GLS: variants seen among roughly 807,000 people sequenced by gnomAD.
The protein encoded by GLS is glutaminase kidney isoform, mitochondrial.
In GLS, 36 loss-of-function variants were observed where a neutral mutation model predicts 86.7. That is an observed-to-expected ratio of 0.42 (90% CI 0.32 to 0.55). The LOEUF is 0.55. GLS is among the 20% of genes least tolerant of loss of function. GLS has a pLI of 0.17. For missense variants in GLS, 528 were observed against 833.4 expected, an observed-to-expected ratio of 0.63 and a Z score of 4.51; for synonymous variants, 317 against 305.9, an observed-to-expected ratio of 1.04 and a Z score of -0.38.
At position 190,913,420 on chromosome 2, in the gene GLS, T is replaced by C. The variant is rs1434566586; in HGVS notation, c.1038+3099T>C. On this transcript the variant is annotated intron_variant, in intron 7 of 17. Transcript: ENST00000320717. This position sits in a 1 kb window ranked among gnomAD's most constrained non-coding sequence, Gnocchi z 6.1. ...TTATACTTAAAATGCACATAATTTT[T>C]AAAAATCATAAGGGTATTATACTTC... 1.1e-6 allele frequency: 1 copy of C among 938,186 alleles called. No individual in the cohort carries two copies. 58.1% of individuals were successfully genotyped at this position (938,186 alleles called of 1,614,324 possible).
chr2:190,881,544 G>A (rs1031830276), intron 1 of GLS, 74 bp downstream of exon 1: 238 of 1,373,834 alleles, frequency 1.7e-4, no homozygotes, highest in Non-Finnish European at 2.3e-4. Flanking sequence ...GGGCCCTGCG[G>A]TGGGGCGGGA....
rs1344213846 is a variant in GLS, at chr2:190,962,538, C to T, written c.1854-292C>T. ...GGAACCCTAGAGCAGTCTATTATAT[C>T]TGTCACCACAAGGACTTTCCTTAAA... On this transcript the variant is annotated intron_variant, in intron 17 of 17. Transcript: ENST00000320717. The surrounding 1 kb of genome is among the most constrained non-coding windows in gnomAD (Gnocchi z 4.2). Among the ~76,000 whole-genome samples the T allele has an allele frequency of 6.6e-6, 1 of 152,176 alleles. No individual in the cohort carries two copies. Among genetic ancestry groups the T allele is most frequent in the East Asian group, 1.9e-4 (1 of 5,202 alleles).
chr2:190,880,905 AG>A lies in GLS; in HGVS notation c.-179del. 1.3e-6 allele frequency: 1 copy of A among 793,822 alleles called. No individual in the cohort carries two copies. Among genetic ancestry groups the A allele is most frequent in the South Asian group, 1.5e-5 (1 of 68,288 alleles). 49.2% of individuals were successfully genotyped at this position (793,822 alleles called of 1,614,324 possible). On this transcript the variant is annotated 5_prime_UTR_variant, in exon 1 of 18. Coordinates refer to ENST00000320717, the MANE Select transcript of GLS (RefSeq NM_014905.5). The stretch of plus-strand genomic sequence containing the variant: ...CAGCAGCAGCAGCAGCAGCAGCAGC[AG>A]CAGCAGCAGCAGCACCCGCATCCGC...
At chr2:190,933,889 C>A in intron 14 of GLS, 1 of 912,566 alleles carries the variant, frequency 1.1e-6, no homozygotes, top group Non-Finnish European at 1.3e-6. Context: ...AAGTATGCTA[C>A]TAAAATACGT....
Position 190,897,482 on chromosome 2 carries a change from G to A in GLS, c.605+1757G>A, listed in dbSNP as rs772675488. Among the ~76,000 whole-genome samples, 1 of 152,152 alleles carries A rather than the reference G, an allele frequency of 6.6e-6. No individual in the cohort carries two copies. The highest frequency in any genetic ancestry group is 1.5e-5 in the Non-Finnish European group (1 of 68,012). ...ATCCAATTTTTAAAAATCTATGCTTGTAATACAGGCAGTTTCCAACTTGAC... is the reference window on the plus strand; with the variant it reads ...ATCCAATTTTTAAAAATCTATGCTTATAATACAGGCAGTTTCCAACTTGAC... On this transcript the variant is annotated intron_variant, in intron 3 of 17. Transcript: ENST00000320717. This position sits in a 1 kb window ranked among gnomAD's most constrained non-coding sequence, Gnocchi z 4.3.
intron 14 of GLS, among the ~76,000 whole-genome samples, chr2:190,945,250 T>G (rs1237041050): frequency 6.6e-6 from 1 of 152,170 alleles, no homozygotes; most frequent in Non-Finnish European, 1.5e-5. Flanking sequence ...TTAACTATTT[T>G]GTTGTAAGTA....
chr2:190,960,627 C>CA (rs1690979198), intron 17 of GLS, among the ~76,000 whole-genome samples: 1 of 152,080 alleles, frequency 6.6e-6, no homozygotes, highest in Non-Finnish European at 1.5e-5. Context: ...CCTCCCATCT[C>CA]AGCCTCCCAA....
In GLS at chr2:190,921,653, T is replaced by C. The variant is rs1558982023; in HGVS notation, c.1130+450T>C. Among the ~76,000 whole-genome samples, 1 of 152,146 alleles carries C rather than the reference T, an allele frequency of 6.6e-6. No individual in the cohort carries two copies. Among genetic ancestry groups the C allele is most frequent in the East Asian group, 1.9e-4 (1 of 5,194 alleles). The stretch of plus-strand genomic sequence containing the variant: ...ATGTATACCTCTAAACACAAATATG[T>C]AAATATATATGTACATAGATTTTTT... On this transcript the variant is annotated intron_variant, in intron 9 of 17. Coordinates refer to ENST00000320717, the MANE Select transcript of GLS (RefSeq NM_014905.5). The surrounding 1 kb of genome is among the most constrained non-coding windows in gnomAD (Gnocchi z 4.2).
rs1016399485 is a variant in GLS at position 190,943,622 on chromosome 2, T to C, written c.1651-9943T>C. On this transcript the variant is annotated intron_variant, in intron 14 of 17. Coordinates refer to ENST00000320717, the MANE Select transcript of GLS (RefSeq NM_014905.5). The surrounding 1 kb of genome is among the most constrained non-coding windows in gnomAD (Gnocchi z 4.5). ...AATTTTTTTTAGATAGAACAATTGC[T>C]TTATTTTTTAGTGTCTTAAAATATG... Among the ~76,000 whole-genome samples the C allele has an allele frequency of 6.6e-6, 1 of 152,244 alleles. No homozygotes were observed. The highest frequency in any genetic ancestry group is 1.5e-5 in the Non-Finnish European group (1 of 68,036).
Position 190,888,251 on chromosome 2 carries a change from G to T in GLS, c.386+6781G>T, listed in dbSNP as rs140170848. The stretch of plus-strand genomic sequence containing the variant: ...CATTGAAAGAAAAGTATGAAAATAG[G>T]TTATGTATGAATTTGCACAGCTCCT... On this transcript the variant is annotated intron_variant, in intron 1 of 17. Transcript: ENST00000320717. Among the ~76,000 whole-genome samples the T allele has an allele frequency of 5.8e-3, 888 of 152,196 alleles. 15 individuals carry two copies. The highest frequency in any genetic ancestry group is 0.019 in the African/African-American group (785 of 41,536).
intron 9 of GLS, among the ~76,000 whole-genome samples, chr2:190,922,481 TACC>T (rs896721198): frequency 6.6e-6 from 1 of 152,118 alleles, no homozygotes; most frequent in African/African-American, 2.4e-5. Flanking sequence ...GCTCTTCTGT[TACC>T]ATATTTTATC....
intron 14 of GLS, among the ~76,000 whole-genome samples, chr2:190,950,013 A>C (rs1019348716): frequency 1.3e-5 from 2 of 151,190 alleles, no homozygotes; most frequent in Non-Finnish European, 2.9e-5. Context: ...ATATATATGA[A>C]GGGGAAAAGC....
At chr2:190,927,232 A>G in intron 11 of GLS, 74 bp from the exon 12 acceptor site, 1 of 1,095,760 alleles carries the variant, frequency 9.1e-7, no homozygotes, top group Non-Finnish European at 1.3e-6. Flanking sequence ...GAAATACCAA[A>G]TAAAATAGAT....
Position 190,949,038 on chromosome 2 carries a change from C to G in GLS, c.1651-4527C>G, listed in dbSNP as rs553470791. 2.3e-4 allele frequency among the ~76,000 whole-genome samples: 35 copies of G among 152,026 alleles called. No homozygotes were observed. The highest frequency in any genetic ancestry group is 8.0e-4 in the African/African-American group (33 of 41,454). On this transcript the variant is annotated intron_variant, in intron 14 of 17. Transcript: ENST00000320717. The surrounding 1 kb of genome is among the most constrained non-coding windows in gnomAD (Gnocchi z 4.0). ...AGACTGACAGCAAGGAAGGGACTTT[C>G]GGGCTAGTCTTTGAGGGAAGGGAAG...
In GLS at chr2:190,881,537, C is replaced by T. The variant is rs1173210552; in HGVS notation, c.386+67C>T. On this transcript the variant is annotated intron_variant, in intron 1 of 17. Transcript: ENST00000320717. ...GGGCCCGGGCTCAGGCTGTGTGGGG[C>T]CCTGCGGTGGGGCGGGATAGGAGCC... 7 of 1,410,908 alleles carry T rather than the reference C, an allele frequency of 5.0e-6. No homozygotes were observed. The African/African-American group carries it at 8.9e-5, about 18-fold the overall frequency. 87.4% of individuals were successfully genotyped at this position (1,410,908 alleles called of 1,614,324 possible). A position where few individuals can be genotyped will look rare whatever the true frequency, so the allele number is the denominator to read the frequency against.
rs147769398 is a variant in GLS at position 190,902,962 on chromosome 2, G to A, written c.815+936G>A. Among the ~76,000 whole-genome samples the A allele has an allele frequency of 1.7e-3, 258 of 152,110 alleles. 3 individuals are homozygous for A. Among genetic ancestry groups the A allele is most frequent in the African/African-American group, 5.4e-3 (223 of 41,506 alleles). ...AGAGTTGTAATTTTACCTAAATTTC[G>A]TTAAAACTACTAAAAGCCGTTTAAC... On this transcript the variant is annotated intron_variant, in intron 5 of 17. Coordinates refer to ENST00000320717, the MANE Select transcript of GLS (RefSeq NM_014905.5).
At position 190,897,021 on chromosome 2, in the gene GLS, C is replaced by T. The variant is rs554214423; in HGVS notation, c.605+1296C>T. ...ACTGCTTTGGAATTTTAAGTGGAAG[C>T]AGTATTTTACACTTTTTTTTTTTAA... On this transcript the variant is annotated intron_variant, in intron 3 of 17. Transcript: ENST00000320717. The surrounding 1 kb of genome is among the most constrained non-coding windows in gnomAD (Gnocchi z 4.3). Among the ~76,000 whole-genome samples the T allele has an allele frequency of 6.6e-6, 1 of 151,770 alleles. No homozygotes were observed. Among genetic ancestry groups the T allele is most frequent in the Non-Finnish European group, 1.5e-5 (1 of 67,958 alleles).
chr2:190,937,120 C>T (rs1005062510), intron 14 of GLS, among the ~76,000 whole-genome samples: 1 of 151,350 alleles, frequency 6.6e-6, no homozygotes, highest in African/African-American at 2.4e-5. Flanking sequence ...TTACCTTACT[C>T]GGTCTTTTCT....
intron 14 of GLS, among the ~76,000 whole-genome samples, chr2:190,937,497 G>T (rs1476025491): frequency 6.6e-6 from 1 of 151,290 alleles, no homozygotes; most frequent in Non-Finnish European, 1.5e-5. Flanking sequence ...AATAGAAAAG[G>T]TACTTATTTT....
Sources: gnomAD v4.1 joint callset for allele counts (sites outside exome capture counted in the v4.1 genomes callset) on GRCh38, gnomAD v4.1.1 for gene constraint, Gnocchi (gnomAD v3.1) non-coding constraint, MANE v1.5 for transcripts, NCBI Gene and HGNC (gene_info 2026-07-23, HGNC 2026-07-21) for gene names.